DOCK11: variants seen among roughly 807,000 people sequenced by gnomAD.
DOCK11 encodes the protein dedicator of cytokinesis 11.
In DOCK11, 70 loss-of-function variants were observed where a neutral mutation model predicts 169.1. The ratio of observed to expected loss-of-function variants is 0.41; its 90% CI spans 0.34 to 0.51. The LOEUF is 0.51. Ranked by LOEUF, DOCK11 falls within the 20% of genes least tolerant of loss-of-function variation. The probability of loss-of-function intolerance (pLI) is 0.10; values close to 1 mark genes in which losing one functional copy is unlikely to be tolerated. For synonymous variants in DOCK11, 529 were observed against 541.3 expected (o/e 0.98, Z 0.32); for missense variants, 1,166 against 1,538.8 (o/e 0.76, Z 4.05).
At chrX:118,659,625 C>T (rs776399085) in intron 44 of DOCK11, among the ~76,000 whole-genome samples, 1 of 111,806 alleles carries the variant, frequency 8.9e-6, no homozygotes, top group Non-Finnish European at 1.9e-5. Flanking sequence ...GGTAGAGATC[C>T]ATTATCAGGC....
At chrX:118,618,865 GT>G in intron 31 of DOCK11, 137 bp downstream of exon 31, 918 of 441,230 alleles carry the variant, frequency 2.1e-3, no homozygotes, top group Middle Eastern at 2.9e-3. Flanking sequence ...ATCATAAGTT[GT>G]TTTTTTTTTG....
At chrX:118,584,665 T>TG (rs2013760986) in intron 14 of DOCK11, 70 bp from the exon 15 acceptor site, 3 of 1,008,958 alleles carry the variant, frequency 3.0e-6, no homozygotes, top group Non-Finnish European at 1.3e-6. Flanking sequence ...TCCCGACCAT[T>TG]GCTAATTTTA....
At chrX:118,668,767 C>T (rs2016398089) in intron 45 of DOCK11, among the ~76,000 whole-genome samples, 1 of 110,485 alleles carries the variant, frequency 9.1e-6, no homozygotes, top group South Asian at 3.8e-4. Context: ...TCTTGCCTAC[C>T]CTATATTGAT....
Position 118,578,610 on chromosome X carries a change from G to A in DOCK11, c.1475G>A (p.Cys492Tyr). The A allele has an allele frequency of 4.1e-6, 5 of 1,205,334 alleles. No individual in the cohort carries two copies. Among genetic ancestry groups the A allele is most frequent in the Non-Finnish European group, 5.6e-6 (5 of 891,589 alleles). The change falls in exon 13 of 53, where the codon TGT becomes TAT. Residue 492 changes from cysteine (C) to tyrosine (Y), a missense_variant. Cys to Tyr is a radical substitution (Grantham distance 194). Transcript: ENST00000276202. ...GTACTACAGGGAAACATTACACACTGTGCAGAACCCTATATCAAAAATTCT... is the reference window on the plus strand; with the variant it reads ...GTACTACAGGGAAACATTACACACTATGCAGAACCCTATATCAAAAATTCT... ...EKVLQGNITH[C>Y]AEPYIKNSDP...
chrX:118,499,458 C>T (rs2147301633), intron 1 of DOCK11, among the ~76,000 whole-genome samples: 1 of 111,896 alleles, frequency 8.9e-6, no homozygotes, highest in South Asian at 3.7e-4. Flanking sequence ...TATAATAGCT[C>T]CAGTAGAGAA....
Position 118,584,720 on chromosome X carries a change from C to T in DOCK11, c.1596-15C>T. The stretch of plus-strand genomic sequence containing the variant: ...AATTTTTTTTTTTAAAAAAATGCTT[C>T]TGTTGCTGTTTTAGACCCATTTTCA... On this transcript the variant is annotated splice_polypyrimidine_tract_variant and intron_variant, in intron 14 of 52. Coordinates refer to ENST00000276202, the MANE Select transcript of DOCK11 (RefSeq NM_144658.4). 9.0e-7 allele frequency: 1 copy of T among 1,107,574 alleles called. No individual in the cohort carries two copies. The highest frequency in any genetic ancestry group is 1.2e-6 in the Non-Finnish European group (1 of 842,555). The allele number at this position is 1,107,574 out of a possible 1,213,427, so 91.3% of individuals were successfully genotyped here.
At position 118,578,550 on chromosome X, in the gene DOCK11, A is replaced by T; in HGVS notation, c.1415A>T (p.His472Leu). The change falls in exon 13 of 53, where the codon CAT becomes CTT. Residue 472 changes from histidine (H) to leucine (L), a missense_variant. By Grantham distance (99) the His-to-Leu change is moderately conservative. Coordinates refer to ENST00000276202, the MANE Select transcript of DOCK11 (RefSeq NM_144658.4). Reference protein sequence around the residue: ...QQGIFSVTNPHPEIFLVARIE... With the variant: ...QQGIFSVTNPLPEIFLVARIE... ...GGAATTTTCTCAGTGACGAATCCAC[A>T]TCCTGAAATTTTTCTAGTTGCCAGA... The T allele has an allele frequency of 9.1e-6, 11 of 1,209,673 alleles. No individual in the cohort carries two copies. The highest frequency in any genetic ancestry group is 1.2e-5 in the Non-Finnish European group (11 of 893,981).
At chrX:118,584,616 A>T in intron 14 of DOCK11, 119 bp from the exon 15 acceptor site, 1 of 626,220 alleles carries the variant, frequency 1.6e-6, no homozygotes, top group Non-Finnish European at 2.3e-6. Context: ...TTAATGAGAA[A>T]CCGCCAAACT....
chrX:118,646,064 A>C (rs368283018), intron 40 of DOCK11, among the ~76,000 whole-genome samples: 2 of 106,457 alleles, frequency 1.9e-5, no homozygotes, highest in African/African-American at 3.4e-5. Flanking sequence ...AAAAAAAAAA[A>C]AAAAAAAAAA....
In DOCK11 at chrX:118,590,484, A is replaced by C. The variant is rs35424623; in HGVS notation, c.2139+182A>C. On this transcript the variant is annotated intron_variant, in intron 19 of 52. Transcript: ENST00000276202. ...CTTGGTGCCTTTTGATGGTAGTAGA[A>C]GATTTACCCCCCAATTTAAGGGGCT... Among the ~76,000 whole-genome samples, 376 of 111,269 alleles carry C rather than the reference A, an allele frequency of 3.4e-3. 1 individual carries two copies. The highest frequency in any genetic ancestry group is 0.012 in the African/African-American group (354 of 30,613).
Position 118,496,031 on chromosome X carries a change from C to A in DOCK11, c.60C>A (p.Leu20=). The change falls in exon 1 of 53, where the codon CTC becomes CTA. Residue 20 remains leucine (L), a synonymous_variant. Coordinates refer to ENST00000276202, the MANE Select transcript of DOCK11 (RefSeq NM_144658.4). ...GCAAGCCTGGCACGGCGGCTGAGCTCCGGCAGAGCGTGTCTGAGGCCGTGC... is the reference window on the plus strand; with the variant it reads ...GCAAGCCTGGCACGGCGGCTGAGCTACGGCAGAGCGTGTCTGAGGCCGTGC... ...RLSKPGTAAE[L]RQSVSEAVRG... The A allele has an allele frequency of 9.1e-7, 1 of 1,096,239 alleles. No individual in the cohort carries two copies. Among genetic ancestry groups the A allele is most frequent in the South Asian group, 2.1e-5 (1 of 46,619 alleles). 90.3% of individuals were successfully genotyped at this position (1,096,239 alleles called of 1,213,427 possible).
At chrX:118,523,002 G>A (rs1388133258) in intron 1 of DOCK11, among the ~76,000 whole-genome samples, 1 of 112,597 alleles carries the variant, frequency 8.9e-6, no homozygotes, top group African/African-American at 3.2e-5. Context: ...TTGATAAAAT[G>A]TGAGTAGTGA....
chrX:118,551,047 G>C (rs1177032471), intron 6 of DOCK11, among the ~76,000 whole-genome samples: 1 of 111,745 alleles, frequency 8.9e-6, no homozygotes, highest in Non-Finnish European at 1.9e-5. Flanking sequence ...GCCCACACTG[G>C]TAAGAAGCAT....
chrX:118,542,555 T>C, intron 1 of DOCK11, among the ~76,000 whole-genome samples, 170 bp from the exon 2 acceptor site: 1 of 110,212 alleles, frequency 9.1e-6, no homozygotes, highest in South Asian at 3.9e-4. Context: ...TATGTGTTTG[T>C]GGTGTGTGTC....
intron 45 of DOCK11, 52 bp from the exon 46 acceptor site, chrX:118,670,971 C>T: frequency 1.8e-6 from 2 of 1,117,424 alleles, no homozygotes; most frequent in Non-Finnish European, 2.4e-6. Flanking sequence ...TTTATTTGTC[C>T]AAAACTCTAA....
intron 35 of DOCK11, chrX:118,632,970 G>GGGGGGCGGT (rs2015287265): frequency 7.6e-5 from 1 of 13,190 alleles, no homozygotes; most frequent in East Asian, 0.013. Context: ...GGGGGGCGGT[G>GGGGGGCGGT]GGGGGGGGGG....
chrX:118,551,887 A>G (rs1298035709), intron 6 of DOCK11, among the ~76,000 whole-genome samples: 1 of 110,642 alleles, frequency 9.0e-6, no homozygotes, highest in African/African-American at 3.3e-5. Flanking sequence ...ATACAAAGGT[A>G]GTTAGCTAGG....
At chrX:118,672,866 C>G (rs1397024696) in intron 46 of DOCK11, among the ~76,000 whole-genome samples, 1 of 112,591 alleles carries the variant, frequency 8.9e-6, no homozygotes, top group East Asian at 2.8e-4. Flanking sequence ...TGATCAAATT[C>G]ACTTTTTCTT....
intron 23 of DOCK11, among the ~76,000 whole-genome samples, chrX:118,600,652 AC>A (rs777282016): frequency 1.8e-5 from 2 of 111,134 alleles, no homozygotes; most frequent in Non-Finnish European, 3.8e-5. Context: ...TATAAAGAAA[AC>A]CAGCACAATG....
Sources: allele counts gnomAD v4.1 joint callset (sites outside exome capture counted in the v4.1 genomes callset), GRCh38; gene constraint gnomAD v4.1.1; transcripts MANE v1.5; gene names NCBI Gene and HGNC (gene_info 2026-07-23, HGNC 2026-07-21).